The following CPD variants were observed in gnomAD, a reference collection of about 807,000 sequenced individuals.
The protein encoded by CPD is carboxypeptidase D, also known as metallocarboxypeptidase D.
Under a neutral mutation model 138.3 loss-of-function variants are expected in CPD, and 69 were observed. That is an observed-to-expected ratio of 0.50 (90% CI 0.41 to 0.61). The LOEUF (loss-of-function observed/expected upper bound fraction) is 0.61, where lower values mean the gene tolerates loss of function less well. Ranked by LOEUF, CPD falls within the 20% of genes least tolerant of loss-of-function variation. The probability of loss-of-function intolerance (pLI) is 0.00; values close to 1 mark genes in which losing one functional copy is unlikely to be tolerated. For missense variants in CPD, 1,432 were observed against 1,733.3 expected (o/e 0.83, Z 3.09); for synonymous variants, 651 against 642.1 (o/e 1.01, Z -0.21).
chr17:30,449,950 A>T (rs772064965), intron 13 of CPD, among the ~76,000 whole-genome samples: 4 of 151,852 alleles, frequency 2.6e-5, no homozygotes, highest in Non-Finnish European at 5.9e-5. Context: ...ATTTCCTTGT[A>T]TGTCTTAAGA....
At chr17:30,404,782 G>A (rs1911764114) in intron 2 of CPD, among the ~76,000 whole-genome samples, 2 of 151,530 alleles carry the variant, frequency 1.3e-5, no homozygotes, top group Admixed American at 1.3e-4. Context: ...CAGCTTTTTG[G>A]CCAACAGATA....
chr17:30,466,881 A>G lies in CPD; in HGVS notation c.*2067A>G, dbSNP rs560910105. ...GTGTAAAATTTTTAAAGAAATGAAC[A>G]TACACATAGTTATTTTAGTAATATT... is the stretch of plus-strand genomic sequence containing the variant. On this transcript the variant is annotated 3_prime_UTR_variant, in exon 21 of 21. Coordinates refer to ENST00000225719, the MANE Select transcript of CPD (RefSeq NM_001304.5). 1.4e-4 allele frequency: 22 copies of G among 152,460 alleles called. No homozygotes were observed. Among genetic ancestry groups the G allele is most frequent in the African/African-American group, 5.3e-4 (22 of 41,586 alleles). 9.4% of individuals were successfully genotyped at this position (152,460 alleles called of 1,614,324 possible). A position where few individuals can be genotyped will look rare whatever the true frequency, so the allele number is the denominator to read the frequency against.
At chr17:30,438,015 T>TC (rs1416699157) in intron 8 of CPD, among the ~76,000 whole-genome samples, 1 of 145,692 alleles carries the variant, frequency 6.9e-6, no homozygotes, top group Non-Finnish European at 1.5e-5. Context: ...TTTTTTTTTT[T>TC]TTTTTTTTTG....
At position 30,420,920 on chromosome 17, in the gene CPD, T is replaced by C; in HGVS notation, c.1074T>C (p.Pro358=). The C allele has an allele frequency of 2.5e-6, 4 of 1,613,878 alleles. No homozygotes were observed. The highest frequency in any genetic ancestry group is 1.7e-6 in the Non-Finnish European group (2 of 1,179,774). The part of the protein sequence containing the change: ...TLELSCCKYP[P]ASQLRQEWEN... ...AACTGTCTTGTTGCAAGTACCCACC[T>C]GCTTCACAGCTTCGACAGGAATGGG... The change falls in exon 3 of 21, where the codon CCT becomes CCC. Residue 358 remains proline, a synonymous_variant. Transcript: ENST00000225719.
chr17:30,382,598 T>A (rs78042680), intron 1 of CPD, among the ~76,000 whole-genome samples: 4,331 of 152,272 alleles, frequency 0.028, 207 homozygotes, highest in African/African-American at 0.098. Flanking sequence ...AAAATCGAAG[T>A]GAATTTTATT....
chr17:30,379,054 T>G lies in CPD; in HGVS notation c.74T>G (p.Leu25Arg). The G allele has an allele frequency of 6.4e-7, 1 of 1,563,296 alleles. No individual in the cohort carries two copies. The highest frequency in any genetic ancestry group is 8.6e-7 in the Non-Finnish European group (1 of 1,161,636). ...RLLLLMCLLL[L>R]GSSARAAHIK... is the part of the protein sequence containing the mutation. ...CTGTTGCTCATGTGCCTGCTGCTGC[T>G]GGGGAGCTCGGCCCGGGCGGCTCAC... The change falls in exon 1 of 21, where the codon CTG (leucine) becomes CGG (arginine). Residue 25 changes from leucine (L) to arginine (R), a missense_variant. By Grantham distance (102) the Leu-to-Arg change is moderately radical (BLOSUM62 -2). Around this residue, in one of 6 missense-constraint regions of CPD, gnomAD observed 484 missense variants for 477.2 expected, o/e 1.01. Coordinates refer to ENST00000225719, the MANE Select transcript of CPD (RefSeq NM_001304.5). The surrounding 1 kb of genome is among the most constrained non-coding windows in gnomAD (Gnocchi z 7.0).
intron 2 of CPD, among the ~76,000 whole-genome samples, chr17:30,394,226 C>G (rs1017691602): frequency 7.4e-6 from 1 of 135,124 alleles, no homozygotes; most frequent in Admixed American, 8.6e-5. Flanking sequence ...TCTAATACTT[C>G]TTAGCATGGG....
chr17:30,437,404 GC>G (rs1912730601), intron 8 of CPD, among the ~76,000 whole-genome samples: 1 of 152,100 alleles, frequency 6.6e-6, no homozygotes, highest in African/African-American at 2.4e-5. Flanking sequence ...TATATACCAA[GC>G]CCGGTGTGAT....
intron 2 of CPD, among the ~76,000 whole-genome samples, chr17:30,392,875 T>G (rs1911397113): frequency 1.3e-5 from 2 of 152,202 alleles, no homozygotes; most frequent in African/African-American, 4.8e-5. Flanking sequence ...GAGTGTTGAG[T>G]TAGGAAATTG....
At position 30,426,194 on chromosome 17, in the gene CPD, C is replaced by T. The variant is rs148731829; in HGVS notation, c.1850-1197C>T. Among the ~76,000 whole-genome samples the T allele has an allele frequency of 9.1e-3, 1,114 of 122,244 alleles. 16 individuals carry two copies. Among genetic ancestry groups the T allele is most frequent in the African/African-American group, 0.035 (1,027 of 29,380 alleles). 80.2% of individuals were successfully genotyped at this position (122,244 alleles called of 152,430 possible). A position where few individuals can be genotyped will look rare whatever the true frequency, so the allele number is the denominator to read the frequency against. ...CAGCCTGGGCGACAAGGCGAGGCTC[C>T]GTCTCAAAAAAAAAAAAAAAAAAAA... On this transcript the variant is annotated intron_variant, in intron 6 of 20. Transcript: ENST00000225719.
chr17:30,423,664 A>G lies in CPD; in HGVS notation c.1816A>G (p.Met606Val), dbSNP rs1912328454. 7 of 1,597,332 alleles carry G rather than the reference A, an allele frequency of 4.4e-6. No individual in the cohort carries two copies. Among genetic ancestry groups the G allele is most frequent in the African/African-American group, 1.4e-5 (1 of 74,066 alleles). ...HNTRIHLMPS[M>V]NPDGYEKSQE... ...CACTAGAATTCACCTTATGCCATCCATGAATCCTGATGGGTATGAAAAGTC... is the reference window on the plus strand; with the variant it reads ...CACTAGAATTCACCTTATGCCATCCGTGAATCCTGATGGGTATGAAAAGTC... The change falls in exon 6 of 21, where the codon ATG becomes GTG. Residue 606 changes from methionine (M) to valine (V), a missense_variant. Coordinates refer to ENST00000225719, the MANE Select transcript of CPD (RefSeq NM_001304.5).
intron 3 of CPD, 43 bp from the exon 4 acceptor site, chr17:30,421,621 T>G (rs1189934849): frequency 1.9e-6 from 3 of 1,590,652 alleles, no homozygotes; most frequent in Non-Finnish European, 2.6e-6. Context: ...CGCTCTTGCC[T>G]TCCAAATTCA....
intron 10 of CPD, among the ~76,000 whole-genome samples, chr17:30,442,730 C>T (rs979399717): frequency 6.6e-6 from 1 of 152,026 alleles, no homozygotes; most frequent in Non-Finnish European, 1.5e-5. Flanking sequence ...ACTTTTTACC[C>T]GTGTTTAAAA....
At chr17:30,424,151 A>C (rs909706578) in intron 6 of CPD, among the ~76,000 whole-genome samples, 4 of 152,170 alleles carry the variant, frequency 2.6e-5, no homozygotes, top group Non-Finnish European at 4.4e-5. Context: ...CATCAGTCAG[A>C]CACATTTAAG....
rs780286943 is a variant in CPD at position 30,385,045 on chromosome 17, A to G, written c.803A>G (p.Asp268Gly). The change falls in exon 2 of 21, where the codon GAT becomes GGT. Residue 268 changes from aspartate (D) to glycine (G), a missense_variant. Asp to Gly is a moderately conservative substitution (Grantham distance 94). Around this residue, in one of 6 missense-constraint regions of CPD, gnomAD observed 484 missense variants for 477.2 expected, o/e 1.01. Transcript: ENST00000225719. ...TCAGTGGTAGCAAGCTATCCTTTTG[A>G]TGATTCTCCAGAACATAAGGCCACT... ...GGSVVASYPF[D>G]DSPEHKATGI... 6.2e-7 allele frequency: 1 copy of G among 1,614,080 alleles called. No individual in the cohort carries two copies. Among genetic ancestry groups the G allele is most frequent in the African/African-American group, 1.3e-5 (1 of 75,042 alleles).
intron 6 of CPD, among the ~76,000 whole-genome samples, chr17:30,425,617 C>G (rs900617687): frequency 3.4e-5 from 5 of 146,904 alleles, no homozygotes; most frequent in African/African-American, 1.3e-4. Flanking sequence ...GATGGCGCCA[C>G]TGCACTACAG....
chr17:30,421,077 G>A, intron 3 of CPD, 94 bp downstream of exon 3: 1 of 921,038 alleles, frequency 1.1e-6, no homozygotes, highest in Non-Finnish European at 1.6e-6. Context: ...TACAGTATTA[G>A]ATGTCATTTA....
rs73277542 is a variant in CPD, at chr17:30,385,393, C to T, written c.994+157C>T. ...TCAAATCTACAGCAAAATTGAAGGA[C>T]TACATGAAGACCTATCTGTCCTTCA... On this transcript the variant is annotated intron_variant, in intron 2 of 20. Coordinates refer to ENST00000225719, the MANE Select transcript of CPD (RefSeq NM_001304.5). 2,969 of 841,852 alleles carry T rather than the reference C, an allele frequency of 3.5e-3. 70 individuals carry two copies. In the African/African-American group the frequency reaches 0.046, roughly 13 times the overall value. 52.1% of individuals were successfully genotyped at this position (841,852 alleles called of 1,614,324 possible). A position where few individuals can be genotyped will look rare whatever the true frequency, so the allele number is the denominator to read the frequency against.
chr17:30,396,784 G>A (rs1911520447), intron 2 of CPD, among the ~76,000 whole-genome samples: 1 of 152,014 alleles, frequency 6.6e-6, no homozygotes, highest in Non-Finnish European at 1.5e-5. Context: ...GTAAATGAAT[G>A]GTAGGTTTCT....
Sources: allele counts gnomAD v4.1 joint callset (sites outside exome capture counted in the v4.1 genomes callset), GRCh38; gene constraint gnomAD v4.1.1; regional missense constraint gnomAD v4.1.1; non-coding constraint Gnocchi (gnomAD v3.1); transcripts MANE v1.5; gene names NCBI Gene and HGNC (gene_info 2026-07-23, HGNC 2026-07-21).